Variants in SFRP1 observed in about 807,000 individuals in gnomAD.
SFRP1 encodes secreted frizzled-related protein 1.
In SFRP1, 9 loss-of-function variants were observed where a neutral mutation model predicts 25.9. The ratio of observed to expected loss-of-function variants is 0.35; its 90% confidence interval spans 0.21 to 0.61. The LOEUF is 0.61. SFRP1 is among the 20% of genes least tolerant of loss of function. SFRP1 has a pLI of 0.78. For synonymous variants in SFRP1, 178 were observed against 174.0 expected, an observed-to-expected ratio of 1.02 and a Z score of -0.18; for missense variants, 346 against 418.2, an observed-to-expected ratio of 0.83 and a Z score of 1.51.
At chr8:41,276,918 T>C (rs1000963001) in intron 2 of SFRP1, 1 of 456,276 alleles carries the variant, frequency 2.2e-6, no homozygotes, top group Non-Finnish European at 4.4e-6. Context: ...CAAGCTCATG[T>C]ACACATGCAC....
intron 2 of SFRP1, among the ~76,000 whole-genome samples, chr8:41,300,950 G>GA (rs898804133): frequency 4.6e-5 from 7 of 152,150 alleles, no homozygotes; most frequent in Admixed American, 2.0e-4. Context: ...TCCTGTTGGG[G>GA]AAAAAATGTG....
rs1285831570 is a variant in SFRP1, at chr8:41,265,534, A to G, written c.623-45T>C. 6 of 1,418,538 alleles carry G rather than the reference A, an allele frequency of 4.2e-6. No homozygotes were observed. The African/African-American group carries it at 5.8e-5, about 14-fold the overall frequency. 87.9% of individuals were successfully genotyped at this position (1,418,538 alleles called of 1,614,324 possible). The stretch of plus-strand genomic sequence containing the variant: ...AAGAAGAGAAAAGAGGGTAAGAGAA[A>G]GCATTTAGAACACAGCTTTTCTTTT... On this transcript the variant is annotated intron_variant, in intron 2 of 2. Coordinates refer to ENST00000220772, the MANE Select transcript of SFRP1 (RefSeq NM_003012.5).
At chr8:41,269,048 G>C (rs181982662) in intron 2 of SFRP1, among the ~76,000 whole-genome samples, 1 of 152,158 alleles carries the variant, frequency 6.6e-6, no homozygotes, top group African/African-American at 2.4e-5. Context: ...CTGGTGGATC[G>C]ACCATCTGAG....
intron 2 of SFRP1, among the ~76,000 whole-genome samples, chr8:41,295,424 G>A (rs1029698198): frequency 1.3e-5 from 2 of 151,844 alleles, no homozygotes; most frequent in African/African-American, 4.8e-5. Flanking sequence ...AGGTACTCGG[G>A]AGGCCGAGGC....
In SFRP1 at chr8:41,265,122, T is replaced by TCCC; in HGVS notation, c.*42_*44dup. 1.0e-5 allele frequency: 2 copies of TCCC among 191,092 alleles called. No homozygotes were observed. Among genetic ancestry groups the TCCC allele is most frequent in the East Asian group, 9.8e-5 (1 of 10,164 alleles). The allele number at this position is 191,092 out of a possible 1,614,324, so 11.8% of individuals were successfully genotyped here. A position where few individuals can be genotyped will look rare whatever the true frequency, so the allele number is the denominator to read the frequency against. On this transcript the variant is annotated 3_prime_UTR_variant, in exon 3 of 3. Coordinates refer to ENST00000220772, the MANE Select transcript of SFRP1 (RefSeq NM_003012.5). ...GTTCCCGGGGCACTGTCCCCCCCGCTCCCACCCCACCCGAGGCTCCCTCCC... is the reference window on the plus strand; with the variant it reads ...GTTCCCGGGGCACTGTCCCCCCCGCTCCCCCCACCCCACCCGAGGCTCCCTCCC...
At chr8:41,293,343 T>C (rs1387057721) in intron 2 of SFRP1, among the ~76,000 whole-genome samples, 4 of 152,172 alleles carry the variant, frequency 2.6e-5, no homozygotes, top group Non-Finnish European at 5.9e-5. Context: ...TGATGCAGCC[T>C]TTGAGTCCCC....
At chr8:41,306,406 C>T (rs192477453) in intron 1 of SFRP1, among the ~76,000 whole-genome samples, 2 of 152,258 alleles carry the variant, frequency 1.3e-5, no homozygotes, top group East Asian at 1.9e-4. Flanking sequence ...GTGCCAGTTA[C>T]GACCCCACAG....
intron 2 of SFRP1, among the ~76,000 whole-genome samples, chr8:41,284,860 G>A (rs1029756980): frequency 3.3e-5 from 5 of 152,242 alleles, no homozygotes; most frequent in African/African-American, 1.2e-4. Flanking sequence ...GGCCAAGGCC[G>A]ATGCTCCAGT....
chr8:41,286,240 T>C (rs1803699408), intron 2 of SFRP1, among the ~76,000 whole-genome samples: 1 of 152,068 alleles, frequency 6.6e-6, no homozygotes, highest in African/African-American at 2.4e-5. Context: ...AGGAGATACA[T>C]TAAGTCTGTA....
intron 2 of SFRP1, among the ~76,000 whole-genome samples, chr8:41,278,030 G>C (rs1451505058): frequency 6.6e-6 from 1 of 152,136 alleles, no homozygotes; most frequent in African/African-American, 2.4e-5. Context: ...TGTTTGATTT[G>C]TCACCTTGGT....
chr8:41,307,055 A>G, intron 1 of SFRP1: 1 of 1,401,934 alleles, frequency 7.1e-7, no homozygotes, highest in Non-Finnish European at 9.3e-7. Flanking sequence ...AGGGCTGGGC[A>G]CAGCCTCACA....
intron 2 of SFRP1, among the ~76,000 whole-genome samples, chr8:41,278,815 G>A (rs1248933461): frequency 6.6e-6 from 1 of 152,174 alleles, no homozygotes; most frequent in Non-Finnish European, 1.5e-5. Context: ...GAGGCCTAGG[G>A]GGCTGCTGGC....
chr8:41,276,366 CT>C (rs1450786799), intron 2 of SFRP1, among the ~76,000 whole-genome samples: 3 of 152,216 alleles, frequency 2.0e-5, no homozygotes, highest in Non-Finnish European at 2.9e-5. Flanking sequence ...CCACAACCTC[CT>C]TCCAACACTC....
At chr8:41,280,808 C>A (rs1803626173) in intron 2 of SFRP1, among the ~76,000 whole-genome samples, 1 of 152,212 alleles carries the variant, frequency 6.6e-6, no homozygotes, top group African/African-American at 2.4e-5. Context: ...AGACTCAGGG[C>A]ACACATAGAC....
rs750413266 is a variant in SFRP1 at position 41,265,398 on chromosome 8, G to A, written c.714C>T (p.Ile238=). The change falls in exon 3 of 3, where the codon ATC becomes ATT. Residue 238 remains isoleucine (I), a synonymous_variant. Coordinates refer to ENST00000220772, the MANE Select transcript of SFRP1 (RefSeq NM_003012.5). ...CAAGCTTCTTCAGGTCCTTCTTCTT[G>A]ATGGGCCCCAACTTCAGGGGCTTCT... is the stretch of plus-strand genomic sequence containing the variant. The part of the protein sequence containing the change: ...KKKKPLKLGP[I]KKKDLKKLVL... The A allele has an allele frequency of 5.0e-6, 8 of 1,613,710 alleles. No homozygotes were observed. The Admixed American group carries it at 1.3e-4, about 27-fold the overall frequency.
In SFRP1 at chr8:41,288,201, TA is replaced by T. The variant is rs569625948; in HGVS notation, c.622+15259del. Among the ~76,000 whole-genome samples, 1,214 of 151,634 alleles carry T rather than the reference TA, an allele frequency of 8.0e-3. 15 individuals carry two copies. Among genetic ancestry groups the T allele is most frequent in the African/African-American group, 0.028 (1,143 of 41,326 alleles). On this transcript the variant is annotated intron_variant, in intron 2 of 2. Transcript: ENST00000220772. Reference sequence around the variant, plus strand: ...GGTGAAACCCTGTCTCTACTAAAAATAAAAAAATTAGCCAGTTGTTGTGGGA... The same window carrying T: ...GGTGAAACCCTGTCTCTACTAAAAATAAAAAATTAGCCAGTTGTTGTGGGA...
At chr8:41,286,576 C>T (rs778074689) in intron 2 of SFRP1, among the ~76,000 whole-genome samples, 2 of 152,114 alleles carry the variant, frequency 1.3e-5, no homozygotes, top group African/African-American at 4.8e-5. Context: ...ACTGCAGGTC[C>T]GTTCCCAAAG....
chr8:41,309,078 C>A lies in SFRP1; in HGVS notation c.82G>T (p.Val28Leu), dbSNP rs1205203867. The A allele has an allele frequency of 6.3e-7, 1 of 1,593,628 alleles. No homozygotes were observed. Among genetic ancestry groups the A allele is most frequent in the Non-Finnish European group, 8.5e-7 (1 of 1,176,828 alleles). Residue 28 changes from valine to leucine, a missense_variant, in exon 1 of 3, where the codon GTG becomes TTG. By Grantham distance (32) the Val-to-Leu change is conservative (BLOSUM62 1). Transcript: ENST00000220772. Reference protein sequence around the residue: ...LLALGAALLAVGSASEYDYVS... With the variant: ...LLALGAALLALGSASEYDYVS... ...TAGTCGTACTCGCTGGCCGAGCCCA[C>A]GGCCAGAAGCGCCGCGCCCAGCGCC... is the stretch of plus-strand genomic sequence containing the variant.
rs1051599861 is a variant in SFRP1, at chr8:41,263,585, T to G, written c.*1582A>C. 4 of 152,242 alleles carry G rather than the reference T, an allele frequency of 2.6e-5. No homozygotes were observed. Among genetic ancestry groups the G allele is most frequent in the Admixed American group, 1.3e-4 (2 of 15,276 alleles). 9.4% of individuals were successfully genotyped at this position (152,242 alleles called of 1,614,324 possible). ...AAGCATTGGCCCAGAGGGACAATCA[T>G]AAATGTCCTCAAAGTGTTGCAGAGA... On this transcript the variant is annotated 3_prime_UTR_variant, in exon 3 of 3. Transcript: ENST00000220772.
Sources: allele counts gnomAD v4.1 joint callset (sites outside exome capture counted in the v4.1 genomes callset), GRCh38; gene constraint gnomAD v4.1.1; transcripts MANE v1.5; gene names NCBI Gene and HGNC (gene_info 2026-07-23, HGNC 2026-07-21).